Variants in ADAMTS6 observed in about 807,000 individuals in gnomAD.
ADAMTS6 encodes the protein ADAM metallopeptidase with thrombospondin type 1 motif 6.
A neutral mutation model predicts 144.3 loss-of-function variants in ADAMTS6; 23 were observed. The ratio of observed to expected loss-of-function variants is 0.16; its 90% CI spans 0.11 to 0.23. The LOEUF is 0.23. Among genes scored for constraint, ADAMTS6 ranks in the 10% least tolerant of loss-of-function variants. ADAMTS6 has a pLI of 1.00. For missense variants in ADAMTS6, 999 were observed against 1,379.6 expected, an observed-to-expected ratio of 0.72 and a Z score of 4.37; for synonymous variants, 444 against 457.5, an observed-to-expected ratio of 0.97 and a Z score of 0.38.
intron 14 of ADAMTS6, among the ~76,000 whole-genome samples, chr5:65,249,209 C>G (rs1759927793): frequency 6.6e-6 from 1 of 152,118 alleles, no homozygotes; most frequent in Non-Finnish European, 1.5e-5. Context: ...TGGTCCACAC[C>G]TGTTGCACTA....
chr5:65,328,687 A>G (rs1017727954), intron 9 of ADAMTS6, among the ~76,000 whole-genome samples: 2 of 151,486 alleles, frequency 1.3e-5, no homozygotes, highest in Admixed American at 6.6e-5. Flanking sequence ...AAAAAAAAGT[A>G]TTATCAAGCT....
At chr5:65,158,688 C>G (rs764500539) in intron 24 of ADAMTS6, among the ~76,000 whole-genome samples, 1 of 152,156 alleles carries the variant, frequency 6.6e-6, no homozygotes, top group Non-Finnish European at 1.5e-5. Flanking sequence ...CTTTTAGCAG[C>G]AACATAGTGT....
intron 7 of ADAMTS6, among the ~76,000 whole-genome samples, chr5:65,448,744 C>A (rs981401710): frequency 6.6e-6 from 1 of 152,032 alleles, no homozygotes; most frequent in Non-Finnish European, 1.5e-5. Flanking sequence ...TGAGCCACCG[C>A]GCCCGGCCCT....
intron 18 of ADAMTS6, among the ~76,000 whole-genome samples, chr5:65,218,883 A>G (rs1757114770): frequency 6.6e-6 from 1 of 152,208 alleles, no homozygotes; most frequent in Non-Finnish European, 1.5e-5. Context: ...AGGGTCTTAC[A>G]TTATACATAA....
At chr5:65,212,426 T>C (rs965218695) in intron 20 of ADAMTS6, among the ~76,000 whole-genome samples, 12 of 129,188 alleles carry the variant, frequency 9.3e-5, no homozygotes, top group Non-Finnish European at 1.1e-4. Flanking sequence ...TCTCTCTCTT[T>C]TTTTTTTTTT....
At chr5:65,466,965 C>T (rs189921095) in intron 3 of ADAMTS6, among the ~76,000 whole-genome samples, 1 of 151,586 alleles carries the variant, frequency 6.6e-6, no homozygotes, top group African/African-American at 2.4e-5. Context: ...TGGCGTGGAC[C>T]CGGGAGGCGG....
chr5:65,241,156 C>T (rs1185631651), intron 15 of ADAMTS6, among the ~76,000 whole-genome samples: 2 of 148,816 alleles, frequency 1.3e-5, no homozygotes, highest in Non-Finnish European at 3.0e-5. Context: ...AAAGTTGTCA[C>T]TATAAAATTC....
intron 15 of ADAMTS6, among the ~76,000 whole-genome samples, chr5:65,231,896 G>A (rs1758274677): frequency 6.6e-6 from 1 of 152,086 alleles, no homozygotes; most frequent in East Asian, 1.9e-4. Flanking sequence ...GATCACTTGA[G>A]GTCAGGAGTT....
At chr5:65,449,638 TAAAATAAAAATAA>T (rs1356199299) in intron 7 of ADAMTS6, among the ~76,000 whole-genome samples, 2 of 151,288 alleles carry the variant, frequency 1.3e-5, no homozygotes, top group African/African-American at 4.9e-5. Flanking sequence ...AATAAATAAA[TAAAATAAAAATAA>T]AAAATAAAAA....
intron 7 of ADAMTS6, among the ~76,000 whole-genome samples, chr5:65,446,879 G>A (rs1758308646): frequency 6.6e-6 from 1 of 152,076 alleles, no homozygotes; most frequent in Admixed American, 6.5e-5. Context: ...AAAAATTGAT[G>A]ATAATGATGA....
At chr5:65,241,072 G>T (rs1405330324) in intron 15 of ADAMTS6, among the ~76,000 whole-genome samples, 1 of 151,898 alleles carries the variant, frequency 6.6e-6, no homozygotes, top group East Asian at 1.9e-4. Context: ...ATTAATAAAT[G>T]GATAGGGAGA....
intron 7 of ADAMTS6, among the ~76,000 whole-genome samples, chr5:65,353,770 C>T (rs1430430083): frequency 6.6e-6 from 1 of 151,856 alleles, no homozygotes; most frequent in Non-Finnish European, 1.5e-5. Context: ...CACAAGCTTT[C>T]TTTCTTTGGC....
At chr5:65,162,146 C>G (rs1159791327) in intron 24 of ADAMTS6, among the ~76,000 whole-genome samples, 1 of 152,122 alleles carries the variant, frequency 6.6e-6, no homozygotes, top group Non-Finnish European at 1.5e-5. Context: ...GATATTCTGC[C>G]TACTCTGAAA....
chr5:65,284,558 T>A (rs1180851526), intron 11 of ADAMTS6, among the ~76,000 whole-genome samples: 1 of 151,606 alleles, frequency 6.6e-6, no homozygotes, highest in Non-Finnish European at 1.5e-5. Flanking sequence ...AATTTATATC[T>A]ATATTTACTC....
intron 7 of ADAMTS6, among the ~76,000 whole-genome samples, chr5:65,360,714 C>T (rs1317395574): frequency 2.0e-5 from 3 of 152,014 alleles, no homozygotes; most frequent in Middle Eastern, 3.2e-3. Context: ...TTCATTCACA[C>T]GGTGGGAATT....
At chr5:65,475,024 A>G (rs1760748892) in intron 1 of ADAMTS6, among the ~76,000 whole-genome samples, 1 of 152,130 alleles carries the variant, frequency 6.6e-6, no homozygotes, top group East Asian at 1.9e-4. Context: ...AAGTTAGGAA[A>G]GTACACAAAA....
chr5:65,353,102 T>C (rs1203812936), intron 7 of ADAMTS6, among the ~76,000 whole-genome samples: 1 of 152,000 alleles, frequency 6.6e-6, no homozygotes, highest in Non-Finnish European at 1.5e-5. Context: ...ATTAATGCTA[T>C]AATAATAACA....
intron 7 of ADAMTS6, among the ~76,000 whole-genome samples, chr5:65,361,234 T>A (rs949881301): frequency 6.6e-6 from 1 of 152,036 alleles, no homozygotes. Context: ...ATGAAATGAG[T>A]TTTGTTTGGA....
chr5:65,286,472 G>A (rs899895497), intron 11 of ADAMTS6, among the ~76,000 whole-genome samples: 1 of 152,048 alleles, frequency 6.6e-6, no homozygotes, highest in Non-Finnish European at 1.5e-5. Context: ...ACACTATTAT[G>A]CATTTATGTG....
Sources: gnomAD v4.1 joint callset for allele counts (sites outside exome capture counted in the v4.1 genomes callset) on GRCh38, gnomAD v4.1.1 for gene constraint, MANE v1.5 for transcripts, NCBI Gene and HGNC (gene_info 2026-07-23, HGNC 2026-07-21) for gene names.